The following BMPR1B variants were observed in gnomAD, a reference collection of about 807,000 sequenced individuals.
BMPR1B encodes the protein bone morphogenetic protein receptor type 1B, also known as bone morphogenetic protein receptor type-1B.
BMPR1B carries 12 observed loss-of-function variants against 59.1 expected under a neutral mutation model. That is an observed-to-expected ratio of 0.20 (90% CI 0.13 to 0.33). The LOEUF (loss-of-function observed/expected upper bound fraction) is 0.33. Ranked by LOEUF, BMPR1B falls within the 10% of genes least tolerant of loss-of-function variation. BMPR1B has a pLI of 1.00. For synonymous variants in BMPR1B, 237 were observed against 207.3 expected, an observed-to-expected ratio of 1.14 and a Z score of -1.23; for missense variants, 550 against 610.9, an observed-to-expected ratio of 0.90 and a Z score of 1.05.
intron 3 of BMPR1B, among the ~76,000 whole-genome samples, chr4:95,032,995 G>A (rs929521955): frequency 6.6e-6 from 1 of 152,054 alleles, no homozygotes; most frequent in African/African-American, 2.4e-5. Context: ...TTGTTATTTT[G>A]TGTTTTTGAT....
intron 3 of BMPR1B, among the ~76,000 whole-genome samples, chr4:95,099,614 ACACG>A (rs1288500817): frequency 1.8e-4 from 28 of 152,192 alleles, no homozygotes; most frequent in Admixed American, 1.8e-3. Context: ...ACACGCACAC[ACACG>A]CACACACACG....
At chr4:95,147,381 T>C (rs753225199) in intron 10 of BMPR1B, among the ~76,000 whole-genome samples, 10 of 152,298 alleles carry the variant, frequency 6.6e-5, no homozygotes, top group Non-Finnish European at 1.5e-4. Context: ...GTAGAAGTGG[T>C]CAAGGCAATG....
intron 1 of BMPR1B, among the ~76,000 whole-genome samples, chr4:94,874,773 C>G (rs953099965): frequency 1.3e-5 from 2 of 152,036 alleles, no homozygotes; most frequent in Non-Finnish European, 2.9e-5. Flanking sequence ...GGGTAGATCA[C>G]TTGAGGTCAG....
At chr4:95,112,194 T>C (rs1425010239) in intron 4 of BMPR1B, among the ~76,000 whole-genome samples, 1 of 152,154 alleles carries the variant, frequency 6.6e-6, no homozygotes, top group Non-Finnish European at 1.5e-5. Context: ...TTTTCAATTT[T>C]GTTTAAAATT....
At chr4:95,026,822 CA>C (rs1724454268) in intron 3 of BMPR1B, among the ~76,000 whole-genome samples, 1 of 151,022 alleles carries the variant, frequency 6.6e-6, no homozygotes, top group East Asian at 2.0e-4. Context: ...AGTGCAGTGA[CA>C]TGATCTAGCT....
At chr4:94,862,893 C>T (rs1041272434) in intron 1 of BMPR1B, among the ~76,000 whole-genome samples, 6 of 148,154 alleles carry the variant, frequency 4.0e-5, no homozygotes, top group Admixed American at 1.4e-4. Flanking sequence ...TGCAGTGAGC[C>T]GAGATCGCGC....
At chr4:94,954,550 T>A (rs1355511630) in intron 2 of BMPR1B, among the ~76,000 whole-genome samples, 1 of 152,184 alleles carries the variant, frequency 6.6e-6, no homozygotes, top group Non-Finnish European at 1.5e-5. Context: ...GTGATGAGAA[T>A]TAGATGAGCC....
chr4:94,855,422 C>G (rs1420232751), intron 1 of BMPR1B, among the ~76,000 whole-genome samples: 1 of 152,188 alleles, frequency 6.6e-6, no homozygotes, highest in Non-Finnish European at 1.5e-5. Context: ...AGCATTTGCT[C>G]TAAATTGCAC....
At chr4:95,008,144 G>C (rs1375511676) in intron 3 of BMPR1B, among the ~76,000 whole-genome samples, 1 of 152,158 alleles carries the variant, frequency 6.6e-6, no homozygotes, top group Non-Finnish European at 1.5e-5. Flanking sequence ...TGTCAGTAAA[G>C]AGTTTATAAG....
intron 2 of BMPR1B, among the ~76,000 whole-genome samples, chr4:94,876,167 A>G (rs540386868): frequency 6.6e-6 from 1 of 152,198 alleles, no homozygotes; most frequent in Non-Finnish European, 1.5e-5. Context: ...TGGCCTACAC[A>G]CTTAGTCTGT....
intron 2 of BMPR1B, among the ~76,000 whole-genome samples, chr4:94,876,166 CACTT>C (rs1376577768): frequency 2.6e-5 from 4 of 152,310 alleles, no homozygotes; most frequent in Admixed American, 2.0e-4. Context: ...TTGGCCTACA[CACTT>C]AGTCTGTTCC....
At chr4:94,840,648 G>C (rs1271928845) in intron 1 of BMPR1B, among the ~76,000 whole-genome samples, 49 of 145,830 alleles carry the variant, frequency 3.4e-4, no homozygotes, top group African/African-American at 1.2e-3. Flanking sequence ...ATTGGTTATT[G>C]TAGTTATACA....
At chr4:95,091,403 G>A (rs998052501) in intron 3 of BMPR1B, 1 of 931,960 alleles carries the variant, frequency 1.1e-6, no homozygotes, top group Non-Finnish European at 1.3e-6. Flanking sequence ...TCTCTTGCCA[G>A]CTTATAATCA....
intron 2 of BMPR1B, among the ~76,000 whole-genome samples, chr4:94,878,847 A>G (rs1169127412): frequency 1.4e-5 from 2 of 147,618 alleles, no homozygotes; most frequent in Non-Finnish European, 3.0e-5. Context: ...TTAGTTTATT[A>G]CTAATTTGTG....
At chr4:94,798,061 A>T (rs1341458042) in intron 1 of BMPR1B, among the ~76,000 whole-genome samples, 1 of 152,214 alleles carries the variant, frequency 6.6e-6, no homozygotes, top group Non-Finnish European at 1.5e-5. Context: ...AGCATTTGTG[A>T]TTATTATTTT....
chr4:94,779,372 C>G (rs1722504649), intron 1 of BMPR1B, among the ~76,000 whole-genome samples: 1 of 152,066 alleles, frequency 6.6e-6, no homozygotes, highest in South Asian at 2.1e-4. Flanking sequence ...CTCCATAGGT[C>G]TGGTTTTTAT....
rs190514636 is a variant in BMPR1B, at chr4:94,917,075, A to G, written c.-113+41175A>G. On this transcript the variant is annotated intron_variant, in intron 2 of 12. Coordinates refer to ENST00000515059, the MANE Select transcript of BMPR1B (RefSeq NM_001203.3). ...GTTAAGCCTGTAGGTGCCCAGAACG[A>G]AAGAGTGAAGAATGCTTGGCAGCCT... Among the ~76,000 whole-genome samples the G allele has an allele frequency of 1.2e-3, 185 of 152,340 alleles. 1 individual carries two copies. The highest frequency in any genetic ancestry group is 2.3e-3 in the Admixed American group (35 of 15,300).
At chr4:94,886,984 A>G (rs1727193070) in intron 2 of BMPR1B, among the ~76,000 whole-genome samples, 2 of 152,160 alleles carry the variant, frequency 1.3e-5, no homozygotes, top group Admixed American at 1.3e-4. Flanking sequence ...AGAGGGTCAA[A>G]TTAACAATTT....
intron 2 of BMPR1B, among the ~76,000 whole-genome samples, chr4:94,905,914 C>CTTTTTTTTTTTT (rs34853734): frequency 7.3e-6 from 1 of 137,838 alleles, no homozygotes; most frequent in African/African-American, 2.6e-5. Flanking sequence ...TTTGTTTATT[C>CTTTTTTTTTTTT]TTTTTTTTTT....
Sources: allele counts gnomAD v4.1 joint callset (sites outside exome capture counted in the v4.1 genomes callset), GRCh38; gene constraint gnomAD v4.1.1; transcripts MANE v1.5; gene names NCBI Gene and HGNC (gene_info 2026-07-23, HGNC 2026-07-21).